Variants in BLTP1 observed in about 807,000 individuals in gnomAD.
BLTP1 encodes fragile site-associated protein.
the BLTP1 span, chr4:122,184,992 A>G: frequency 5.1e-6 from 5 of 984,408 alleles, no homozygotes; most frequent in Non-Finnish European, 6.0e-6. Flanking sequence ...ATCATATAGT[A>G]TAGAAGAGGG....
At chr4:122,339,543 A>C in the BLTP1 span, 2 of 622,410 alleles carry the variant, frequency 3.2e-6, no homozygotes. Context: ...TATAGAAAGA[A>C]ATCTATAGCA....
the BLTP1 span, among the ~76,000 whole-genome samples, chr4:122,191,873 C>G: frequency 6.6e-6 from 1 of 152,002 alleles, no homozygotes; most frequent in Admixed American, 6.6e-5. Context: ...GCCAAAAAAA[C>G]CTCTTATACT....
the BLTP1 span, among the ~76,000 whole-genome samples, chr4:122,252,840 C>T: frequency 0.028 from 4,321 of 152,270 alleles, 139 homozygotes; most frequent in African/African-American, 0.08. Context: ...ACAGGGGGCC[C>T]TGGGTGAGAC....
chr4:122,306,112 T>C, the BLTP1 span: 1 of 1,454,692 alleles, frequency 6.9e-7, no homozygotes. Context: ...TAGATAAGAA[T>C]CTTGTAGTTT....
the BLTP1 span, chr4:122,349,485 C>G: frequency 6.3e-7 from 1 of 1,595,892 alleles, no homozygotes; most frequent in Non-Finnish European, 8.6e-7. This position sits in a 1 kb window ranked among gnomAD's most constrained non-coding sequence, Gnocchi z 4.5. Context: ...GCAACCCAGT[C>G]ACAAAATTCA....
chr4:122,353,801 T>TA, the BLTP1 span: 1 of 1,601,650 alleles, frequency 6.2e-7, no homozygotes, highest in Non-Finnish European at 8.5e-7. This position sits in a 1 kb window ranked among gnomAD's most constrained non-coding sequence, Gnocchi z 4.3. Context: ...AAAGTATTTT[T>TA]ATTTTGTTGT....
At chr4:122,197,992 A>G in the BLTP1 span, 1 of 984,916 alleles carries the variant, frequency 1.0e-6, no homozygotes, top group South Asian at 4.7e-5. Context: ...CCCACATTTA[A>G]AATCAATCAT....
chr4:122,215,913 C>G, the BLTP1 span, among the ~76,000 whole-genome samples: 1 of 151,870 alleles, frequency 6.6e-6, no homozygotes. Flanking sequence ...GCTTATCCCC[C>G]ACTTATGAGT....
At chr4:122,162,899 T>C in the BLTP1 span, among the ~76,000 whole-genome samples, 1 of 152,246 alleles carries the variant, frequency 6.6e-6, no homozygotes, top group Non-Finnish European at 1.5e-5. Flanking sequence ...TTCTCTGTTG[T>C]TCCTGTTCTG....
the BLTP1 span, among the ~76,000 whole-genome samples, chr4:122,195,152 A>G: frequency 6.6e-6 from 1 of 152,210 alleles, no homozygotes; most frequent in African/African-American, 2.4e-5. Context: ...TTGCTATTGG[A>G]TAATTCACTC....
the BLTP1 span, chr4:122,156,072 A>C: frequency 2.0e-6 from 1 of 502,382 alleles, no homozygotes; most frequent in Non-Finnish European, 2.6e-6. Context: ...TTACTGAGGT[A>C]GGAAGTGTAG....
the BLTP1 span, among the ~76,000 whole-genome samples, chr4:122,351,896 TGA>T: frequency 1.3e-5 from 2 of 152,092 alleles, no homozygotes; most frequent in Non-Finnish European, 2.9e-5. Flanking sequence ...GGATTATGGG[TGA>T]GAGGTATGGA....
At chr4:122,336,568 C>T in the BLTP1 span, 2 of 821,080 alleles carry the variant, frequency 2.4e-6, no homozygotes, top group Admixed American at 7.7e-5. Flanking sequence ...TCCCATGGCC[C>T]CACCTAGTTA....
At chr4:122,273,405 A>G in the BLTP1 span, 7 of 985,086 alleles carry the variant, frequency 7.1e-6, no homozygotes, top group Non-Finnish European at 8.4e-6. Context: ...TTGCTAAGAA[A>G]AATACAAATA....
chr4:122,247,530 C>A, the BLTP1 span: 1 of 1,032,578 alleles, frequency 9.7e-7, no homozygotes, highest in Non-Finnish European at 1.4e-6. Flanking sequence ...TTGTCACTCA[C>A]ATTCTGTACA....
At chr4:122,166,045 T>A in the BLTP1 span, among the ~76,000 whole-genome samples, 2 of 152,154 alleles carry the variant, frequency 1.3e-5, no homozygotes, top group East Asian at 3.9e-4. Context: ...CTAATGGTAG[T>A]TTCTTTTGCT....
At chr4:122,244,651 G>A in the BLTP1 span, 10 of 982,520 alleles carry the variant, frequency 1.0e-5, no homozygotes, top group East Asian at 6.8e-4. Flanking sequence ...CGGTGGAAAC[G>A]AGCTTTCATG....
At chr4:122,305,158 T>C in the BLTP1 span, 1 of 977,272 alleles carries the variant, frequency 1.0e-6, no homozygotes, top group South Asian at 4.7e-5. Context: ...TTGAAAATTG[T>C]AGCCGCATAT....
At chr4:122,190,184 C>A in the BLTP1 span, 1 of 1,398,126 alleles carries the variant, frequency 7.2e-7, no homozygotes, top group Admixed American at 2.2e-5. Context: ...ATACCCTTGA[C>A]CTTCCAGGCT....
Sources: allele counts gnomAD v4.1 joint callset (sites outside exome capture counted in the v4.1 genomes callset), GRCh38; gene constraint gnomAD v4.1.1; non-coding constraint Gnocchi (gnomAD v3.1); transcripts MANE v1.5; gene names NCBI Gene and HGNC (gene_info 2026-07-23, HGNC 2026-07-21).